The following DCDC2C variants were observed in gnomAD, a reference collection of about 807,000 sequenced individuals.
DCDC2C encodes the protein doublecortin domain-containing protein 2C.
DCDC2C carries 44 observed loss-of-function variants against 45.0 expected under a neutral mutation model. That is an observed-to-expected ratio of 0.98 (90% confidence interval 0.77 to 1.26). The LOEUF is 1.26. Ranked by LOEUF, DCDC2C falls within the 50% of genes most tolerant of loss-of-function variation. The pLI, the probability that DCDC2C is intolerant of heterozygous loss-of-function variation, is 0.00. For synonymous variants in DCDC2C, 187 were observed against 178.8 expected, an observed-to-expected ratio of 1.05 and a Z score of -0.37; for missense variants, 447 against 468.9, an observed-to-expected ratio of 0.95 and a Z score of 0.43.
At chr2:3,829,585 C>A (rs888990632) in intron 10 of DCDC2C, among the ~76,000 whole-genome samples, 1 of 152,146 alleles carries the variant, frequency 6.6e-6, no homozygotes, top group Non-Finnish European at 1.5e-5. Flanking sequence ...ATTTGGACAG[C>A]CTCTTTTGAC....
At chr2:3,754,668 T>C (rs1669640859) in intron 6 of DCDC2C, 34 bp downstream of exon 6, 1 of 1,537,784 alleles carries the variant, frequency 6.5e-7, no homozygotes, top group Admixed American at 2.0e-5. Context: ...AAGTAACTTG[T>C]TTCTGATTCT....
intron 3 of DCDC2C, among the ~76,000 whole-genome samples, chr2:3,738,540 GAA>G (rs60799536): frequency 2.4e-4 from 17 of 71,978 alleles, no homozygotes; most frequent in Non-Finnish European, 4.2e-4. Flanking sequence ...GTCTATCTGG[GAA>G]AAAAAAAAAA....
intron 10 of DCDC2C, among the ~76,000 whole-genome samples, chr2:3,807,167 G>A (rs1671271634): frequency 6.6e-6 from 1 of 151,906 alleles, no homozygotes; most frequent in African/African-American, 2.4e-5. Flanking sequence ...ATATGTAATT[G>A]TGGTTAAGGA....
chr2:3,725,326 A>G (rs1668612306), intron 2 of DCDC2C, among the ~76,000 whole-genome samples: 2 of 151,850 alleles, frequency 1.3e-5, no homozygotes, highest in African/African-American at 4.8e-5. Context: ...CTCGTTGTGC[A>G]GCAGAGGCCC....
intron 6 of DCDC2C, 42 bp from the exon 7 acceptor site, chr2:3,767,712 C>A: frequency 6.5e-7 from 1 of 1,547,328 alleles, no homozygotes; most frequent in Non-Finnish European, 8.7e-7. Flanking sequence ...CCTTGTATCC[C>A]ACTGTTCTTA....
chr2:3,727,528 A>G (rs357943), intron 3 of DCDC2C, among the ~76,000 whole-genome samples: 81,045 of 152,018 alleles, frequency 0.53, 22,151 homozygotes, highest in South Asian at 0.7. Context: ...AAAGGCCCTC[A>G]TGGGCTACAG....
intron 10 of DCDC2C, among the ~76,000 whole-genome samples, chr2:3,842,661 T>C (rs1672244709): frequency 2.1e-5 from 3 of 144,568 alleles, no homozygotes; most frequent in African/African-American, 7.6e-5. Flanking sequence ...AAAAATCAAT[T>C]CCAAATCTCA....
Position 3,761,093 on chromosome 2 carries a change from T to C in DCDC2C, c.726+6459T>C, listed in dbSNP as rs2148140157. ...ATTGAATGAAGCTACTCTCATTATA[T>C]AGCATTCAGTTTTACGGGAACTGCA... On this transcript the variant is annotated intron_variant, in intron 6 of 10. Transcript: ENST00000399143. This position sits in a 1 kb window ranked among gnomAD's most constrained non-coding sequence, Gnocchi z 4.3. Among the ~76,000 whole-genome samples the C allele has an allele frequency of 6.6e-6, 1 of 152,366 alleles. No homozygotes were observed. The highest frequency in any genetic ancestry group is 1.9e-4 in the East Asian group (1 of 5,188).
chr2:3,753,635 T>C (rs1262359150), intron 5 of DCDC2C, among the ~76,000 whole-genome samples: 1 of 152,252 alleles, frequency 6.6e-6, no homozygotes, highest in East Asian at 1.9e-4. Context: ...GCAGGACAGA[T>C]GGTTTGAACA....
intron 10 of DCDC2C, among the ~76,000 whole-genome samples, chr2:3,815,630 G>A (rs995954440): frequency 1.3e-5 from 2 of 152,166 alleles, no homozygotes; most frequent in African/African-American, 4.8e-5. Context: ...GGGTGCAGGC[G>A]GGCTGAGTCC....
intron 4 of DCDC2C, among the ~76,000 whole-genome samples, chr2:3,746,987 G>A (rs146053344): frequency 1.8e-4 from 27 of 152,286 alleles, no homozygotes; most frequent in Non-Finnish European, 2.6e-4. Flanking sequence ...GGGCCCTGAG[G>A]GAAGCAGGGC....
chr2:3,753,484 G>A (rs1286038731), intron 5 of DCDC2C, among the ~76,000 whole-genome samples: 1 of 152,154 alleles, frequency 6.6e-6, no homozygotes, highest in African/African-American at 2.4e-5. Flanking sequence ...AGCCCTGACG[G>A]GTGTGTTTGA....
intron 10 of DCDC2C, among the ~76,000 whole-genome samples, chr2:3,792,751 C>G (rs1670851739): frequency 6.6e-6 from 1 of 152,116 alleles, no homozygotes. Flanking sequence ...CTTGGTTACC[C>G]TAAATTGACA....
Position 3,847,073 on chromosome 2 carries a change from C to T in DCDC2C, c.1066-81C>T, listed in dbSNP as rs534770529. On this transcript the variant is annotated intron_variant, in intron 10 of 10. Coordinates refer to ENST00000399143, the MANE Select transcript of DCDC2C (RefSeq NM_001287444.2). ...CCAGAATCCAACAGAAATGCAAGCT[C>T]CTGAGAGAACCAGAAACAAACTGTG... The T allele has an allele frequency of 1.2e-4, 114 of 913,624 alleles. No individual in the cohort carries two copies. In the African/African-American group the frequency reaches 1.7e-3, roughly 14 times the overall value. 56.6% of individuals were successfully genotyped at this position (913,624 alleles called of 1,614,324 possible).
chr2:3,725,622 C>CCCGGAGGAAGACGAG (rs1668639445), intron 2 of DCDC2C, among the ~76,000 whole-genome samples: 3 of 124,170 alleles, frequency 2.4e-5, no homozygotes, highest in Admixed American at 7.8e-5. Context: ...AGGGAGACCG[C>CCCGGAGGAAGACGAG]CAGAGTGACG....
Position 3,767,292 on chromosome 2 carries a change from C to T in DCDC2C, c.727-462C>T, listed in dbSNP as rs1670039736. ...CCCTTATTGCAACCCCAAAGTAAAC[C>T]GCCACATGGCTAATTCTCCTCACAG... On this transcript the variant is annotated intron_variant, in intron 6 of 10. Transcript: ENST00000399143. 3.3e-5 allele frequency among the ~76,000 whole-genome samples: 5 copies of T among 152,284 alleles called. No individual in the cohort carries two copies. In the South Asian group the frequency reaches 8.3e-4, roughly 25 times the overall value.
chr2:3,784,927 G>GCTC, intron 9 of DCDC2C, 132 bp from the exon 10 acceptor site: 1 of 536,560 alleles, frequency 1.9e-6, no homozygotes, highest in Non-Finnish European at 2.8e-6. Flanking sequence ...TTTACGCCAA[G>GCTC]CTCCTGAATG....
intron 3 of DCDC2C, among the ~76,000 whole-genome samples, chr2:3,738,157 CTGA>C (rs1343797811): frequency 2.0e-5 from 3 of 152,116 alleles, no homozygotes; most frequent in African/African-American, 7.2e-5. Context: ...TACATTTGAA[CTGA>C]TGAAATTTGG....
At chr2:3,747,436 C>G (rs1270937222) in intron 4 of DCDC2C, among the ~76,000 whole-genome samples, 1 of 152,236 alleles carries the variant, frequency 6.6e-6, no homozygotes, top group Non-Finnish European at 1.5e-5. Flanking sequence ...ACCCCAAAGG[C>G]AGTGAAAGGT....
Sources: gnomAD v4.1 joint callset for allele counts (sites outside exome capture counted in the v4.1 genomes callset) on GRCh38, gnomAD v4.1.1 for gene constraint, Gnocchi (gnomAD v3.1) non-coding constraint, MANE v1.5 for transcripts, NCBI Gene and HGNC (gene_info 2026-07-23, HGNC 2026-07-21) for gene names.